Variants in ODF2L observed in about 807,000 individuals in gnomAD.
ODF2L encodes the protein outer dense fiber of sperm tails 2 like.
Under a neutral mutation model 86.3 loss-of-function variants are expected in ODF2L, and 76 were observed. The observed-to-expected ratio is 0.88, with a 90% CI of 0.73 to 1.07. The LOEUF (loss-of-function observed/expected upper bound fraction) is 1.07, where lower values mean the gene tolerates loss of function less well. ODF2L is among the 50% of genes least tolerant of loss of function. The pLI is 0.00. For synonymous variants in ODF2L, 241 were observed against 231.3 expected, an observed-to-expected ratio of 1.04 and a Z score of -0.38; for missense variants, 748 against 717.4, an observed-to-expected ratio of 1.04 and a Z score of -0.49.
At chr1:86,383,290 A>C (rs949353633) in intron 4 of ODF2L, 94 bp from the exon 5 acceptor site, 13 of 555,928 alleles carry the variant, frequency 2.3e-5, no homozygotes, top group Admixed American at 7.0e-5. Flanking sequence ...ATAAATTAAT[A>C]TGACTTTTAA....
intron 12 of ODF2L, among the ~76,000 whole-genome samples, chr1:86,360,153 TA>T (rs2100840950): frequency 6.6e-6 from 1 of 152,284 alleles, no homozygotes; most frequent in South Asian, 2.1e-4. Flanking sequence ...TTAACAAGAA[TA>T]CATTAAGGGT....
chr1:86,395,273 C>T (rs1040174015), intron 1 of ODF2L, among the ~76,000 whole-genome samples: 4 of 152,362 alleles, frequency 2.6e-5, no homozygotes, highest in Admixed American at 1.3e-4. Context: ...TTATCCCCAA[C>T]AGCAGCCCCA....
chr1:86,362,365 T>G (rs913392856), intron 11 of ODF2L, among the ~76,000 whole-genome samples: 1 of 151,938 alleles, frequency 6.6e-6, no homozygotes, highest in Non-Finnish European at 1.5e-5. Context: ...GTAATCATGG[T>G]TCACTGCAGC....
At chr1:86,369,878 A>C (rs1158060328) in intron 10 of ODF2L, among the ~76,000 whole-genome samples, 3 of 152,204 alleles carry the variant, frequency 2.0e-5, no homozygotes, top group Admixed American at 6.5e-5. Flanking sequence ...TCAAGTTTCC[A>C]TCAGAAAAAT....
At chr1:86,374,818 T>C (rs1660059017) in intron 8 of ODF2L, 1 of 152,190 alleles carries the variant, frequency 6.6e-6, no homozygotes, top group Admixed American at 6.5e-5. Flanking sequence ...ATTTACGCAT[T>C]GTGTAGATAT....
chr1:86,379,145 A>C (rs541290069), intron 7 of ODF2L, among the ~76,000 whole-genome samples: 1 of 152,234 alleles, frequency 6.6e-6, no homozygotes, highest in Non-Finnish European at 1.5e-5. Flanking sequence ...AGGCCTCCCC[A>C]GAAGCTGAGC....
At chr1:86,347,616 GGATCAGAGGGGACCAGGCCCCCATCTCT>G (rs1234560431), downstream of ODF2L, 1 of 152,102 alleles carries the variant, frequency 6.6e-6, no homozygotes, top group African/African-American at 2.4e-5. Context: ...AAAAGTGAGG[GGATCAGAGGGGACCAGGCCCCCATCTCT>G]GATCAGAAAA....
chr1:86,382,570 T>C (rs1268972505), intron 6 of ODF2L, among the ~76,000 whole-genome samples: 1 of 152,020 alleles, frequency 6.6e-6, no homozygotes, highest in Non-Finnish European at 1.5e-5. Flanking sequence ...ATTTAATGGC[T>C]TTCTTTTTTA....
chr1:86,382,695 T>C (rs1191439059), intron 6 of ODF2L, among the ~76,000 whole-genome samples: 1 of 151,872 alleles, frequency 6.6e-6, no homozygotes, highest in African/African-American at 2.4e-5. Context: ...TTAAAACAGT[T>C]CCTATATGAA....
intron 2 of ODF2L, chr1:86,386,299 G>A (rs1035621756): frequency 6.6e-6 from 1 of 152,022 alleles, no homozygotes. Flanking sequence ...CTACATTTCT[G>A]ATATCACATA....
chr1:86,376,480 T>C, intron 7 of ODF2L, 62 bp from the exon 8 acceptor site: 4 of 1,005,330 alleles, frequency 4.0e-6, no homozygotes, highest in Non-Finnish European at 5.9e-6. Context: ...GTAAACATTG[T>C]AAAAATATGT....
intron 10 of ODF2L, among the ~76,000 whole-genome samples, chr1:86,370,208 A>C (rs1379424212): frequency 6.6e-6 from 1 of 152,088 alleles, no homozygotes; most frequent in Non-Finnish European, 1.5e-5. Flanking sequence ...TATATCTGCA[A>C]TATCTCTTAG....
At chr1:86,394,795 C>T (rs1236099817) in intron 1 of ODF2L, among the ~76,000 whole-genome samples, 1 of 150,646 alleles carries the variant, frequency 6.6e-6, no homozygotes, top group African/African-American at 2.4e-5. Flanking sequence ...GAATATCAAA[C>T]TAATTTCAAA....
At chr1:86,352,087 T>C in exon 18 of ODF2L, 1 of 1,404,062 alleles carries the variant, frequency 7.1e-7, no homozygotes, top group Admixed American at 3.3e-5. Flanking sequence ...GTCATGAAAC[T>C]TTTGATGGCA....
chr1:86,366,391 T>TACACACACACAC lies in ODF2L; in HGVS notation c.1143+2233_1143+2244dup, dbSNP rs71643841. ...CTAGGCAGCATAGTGAGACCCCACC[T>TACACACACACAC]ACACACACACACACACACACACACA... is the stretch of plus-strand genomic sequence containing the variant. On this transcript the variant is annotated intron_variant, in intron 11 of 17. Coordinates refer to ENST00000317336, the Ensembl canonical transcript of ODF2L. Among the ~76,000 whole-genome samples the TACACACACACAC allele has an allele frequency of 9.6e-4, 114 of 119,340 alleles. 1 individual carries two copies. The highest frequency in any genetic ancestry group is 8.5e-4 in the African/African-American group (26 of 30,526). The allele number at this position is 119,340 out of a possible 152,430, so 78.3% of individuals were successfully genotyped here.
chr1:86,384,285 T>C (rs1660781983), intron 4 of ODF2L, among the ~76,000 whole-genome samples: 1 of 151,784 alleles, frequency 6.6e-6, no homozygotes, highest in South Asian at 2.1e-4. Context: ...GTGAATACAA[T>C]GAAAACCACT....
At chr1:86,390,796 C>T (rs1661270371) in intron 1 of ODF2L, among the ~76,000 whole-genome samples, 1 of 152,158 alleles carries the variant, frequency 6.6e-6, no homozygotes, top group South Asian at 2.1e-4. Flanking sequence ...CCACTCTCAT[C>T]ATTTGTATTC....
intron 11 of ODF2L, among the ~76,000 whole-genome samples, chr1:86,362,952 C>G (rs1659150737): frequency 6.6e-6 from 1 of 152,200 alleles, no homozygotes; most frequent in Non-Finnish European, 1.5e-5. Flanking sequence ...ACACCACACC[C>G]AGCTGACTAC....
At chr1:86,392,188 T>A (rs1301090229) in intron 1 of ODF2L, among the ~76,000 whole-genome samples, 1 of 152,122 alleles carries the variant, frequency 6.6e-6, no homozygotes, top group Non-Finnish European at 1.5e-5. Flanking sequence ...TAATAATAGA[T>A]GTTGGCATGG....
Sources: gnomAD v4.1 joint callset for allele counts (sites outside exome capture counted in the v4.1 genomes callset) on GRCh38, gnomAD v4.1.1 for gene constraint, MANE v1.5 for transcripts, NCBI Gene and HGNC (gene_info 2026-07-23, HGNC 2026-07-21) for gene names.